Variants in ABCC4 observed in about 807,000 individuals in gnomAD.
ABCC4 encodes the protein ATP binding cassette subfamily C member 4 (PEL blood group).
ABCC4 carries 102 observed loss-of-function variants against 168.5 expected under a neutral mutation model. The observed-to-expected ratio is 0.61, with a 90% CI of 0.52 to 0.71. ABCC4 has a LOEUF of 0.71. Ranked by LOEUF, ABCC4 falls within the 30% of genes least tolerant of loss-of-function variation. ABCC4 has a pLI of 0.00. For missense variants in ABCC4, 1,402 were observed against 1,605.8 expected (o/e 0.87, Z 2.17); for synonymous variants, 617 against 590.7 (o/e 1.04, Z -0.65).
chr13:95,216,811 T>A (rs1209275895), intron 4 of ABCC4, among the ~76,000 whole-genome samples: 2 of 152,068 alleles, frequency 1.3e-5, no homozygotes, highest in African/African-American at 4.8e-5. Context: ...CCGGGGAAAA[T>A]GTAAGTAATT....
At chr13:95,061,365 T>C (rs1029130921) in intron 26 of ABCC4, among the ~76,000 whole-genome samples, 1 of 151,994 alleles carries the variant, frequency 6.6e-6, no homozygotes, top group Non-Finnish European at 1.5e-5. Flanking sequence ...ATCCTCCAAA[T>C]TACTTAAGCG....
chr13:95,235,592 C>T (rs778585641), intron 3 of ABCC4, among the ~76,000 whole-genome samples: 1 of 152,174 alleles, frequency 6.6e-6, no homozygotes, highest in Non-Finnish European at 1.5e-5. Flanking sequence ...AGTTAAGAGC[C>T]TTTGTGAATG....
intron 8 of ABCC4, among the ~76,000 whole-genome samples, chr13:95,196,870 CG>C (rs2038472190): frequency 6.6e-6 from 1 of 152,186 alleles, no homozygotes; most frequent in East Asian, 1.9e-4. Flanking sequence ...ACAACCAAAC[CG>C]TTCCCAAACA....
At chr13:95,111,295 A>C (rs1301612063) in intron 20 of ABCC4, among the ~76,000 whole-genome samples, 3 of 152,228 alleles carry the variant, frequency 2.0e-5, no homozygotes, top group Non-Finnish European at 2.9e-5. Context: ...AGACAAGAAA[A>C]ACATGTTTGA....
intron 20 of ABCC4, among the ~76,000 whole-genome samples, chr13:95,105,708 T>C (rs1398735853): frequency 1.3e-5 from 2 of 152,050 alleles, no homozygotes; most frequent in African/African-American, 4.8e-5. Flanking sequence ...GGACACTGAA[T>C]TGCAATGGGG....
intron 29 of ABCC4, among the ~76,000 whole-genome samples, chr13:95,038,370 T>C (rs1473257753): frequency 2.1e-5 from 1 of 46,984 alleles, no homozygotes; most frequent in Non-Finnish European, 3.8e-5. Context: ...AGGAAGCCCA[T>C]ACTCAAAAAA....
chr13:95,147,306 G>C (rs747030035), intron 19 of ABCC4, among the ~76,000 whole-genome samples: 3 of 152,150 alleles, frequency 2.0e-5, no homozygotes, highest in Non-Finnish European at 4.4e-5. Flanking sequence ...GCAGTAACAG[G>C]AGTTATCTAT....
chr13:95,178,566 CAGGGGA>C (rs1482097624), intron 11 of ABCC4, among the ~76,000 whole-genome samples: 2 of 152,146 alleles, frequency 1.3e-5, no homozygotes, highest in African/African-American at 4.8e-5. Flanking sequence ...AGAGACCTGT[CAGGGGA>C]TGGACTGGCT....
intron 19 of ABCC4, among the ~76,000 whole-genome samples, chr13:95,153,087 A>G (rs1432900613): frequency 6.6e-6 from 1 of 152,206 alleles, no homozygotes; most frequent in African/African-American, 2.4e-5. Context: ...TCATTAGGTT[A>G]TTCCAGAAAC....
chr13:95,101,967 A>C (rs2034825104), intron 20 of ABCC4, among the ~76,000 whole-genome samples: 1 of 152,188 alleles, frequency 6.6e-6, no homozygotes, highest in African/African-American at 2.4e-5. Context: ...AAATGACTTC[A>C]TTTTATCCTC....
chr13:95,299,903 G>T (rs1156794436), intron 1 of ABCC4, among the ~76,000 whole-genome samples: 3 of 152,130 alleles, frequency 2.0e-5, no homozygotes, highest in Non-Finnish European at 4.4e-5. Flanking sequence ...GTACAGTGGG[G>T]CGATCTCAGC....
chr13:95,053,117 T>C lies in ABCC4; in HGVS notation c.3434A>G (p.Glu1145Gly). ...LDPFNEHTDEELWNALQEVQL... is the reference protein window; with the variant it reads ...LDPFNEHTDEGLWNALQEVQL... ...TACCTCTTGTAAGGCATTCCACAGT[T>C]CCTCATCCGTGTGCTCATTAAAGGG... Residue 1145 changes from glutamate to glycine, a missense_variant, in exon 27 of 31, where the codon GAA becomes GGA. By Grantham distance (98) the Glu-to-Gly change is moderately conservative (BLOSUM62 -2). This residue lies in a region of ABCC4 where 1,007 missense variants were observed against 1,127.3 expected (regional missense o/e 0.89). Coordinates refer to ENST00000645237, the MANE Select transcript of ABCC4 (RefSeq NM_005845.5). The C allele has an allele frequency of 1.2e-6, 2 of 1,614,088 alleles. No homozygotes were observed. The highest frequency in any genetic ancestry group is 1.7e-6 in the Non-Finnish European group (2 of 1,179,958).
rs1221130608 is a variant in ABCC4, at chr13:95,110,276, T to C, written c.2535+5646A>G. On this transcript the variant is annotated intron_variant, in intron 20 of 30. Coordinates refer to ENST00000645237, the MANE Select transcript of ABCC4 (RefSeq NM_005845.5). ...GTGAGCCAAGATCGCCCCACTGCAC[T>C]CCAGCCTGGGTGATAGAGCAAGACT... Among the ~76,000 whole-genome samples, 24 of 135,076 alleles carry C rather than the reference T, an allele frequency of 1.8e-4. 1 individual carries two copies. In the Admixed American group the frequency reaches 2.0e-3, roughly 11 times the overall value. The allele number at this position is 135,076 out of a possible 152,430, so 88.6% of individuals were successfully genotyped here. A position where few individuals can be genotyped will look rare whatever the true frequency, so the allele number is the denominator to read the frequency against.
chr13:95,098,744 AT>A (rs1394860462), intron 20 of ABCC4, among the ~76,000 whole-genome samples: 1 of 152,228 alleles, frequency 6.6e-6, no homozygotes, highest in Non-Finnish European at 1.5e-5. Flanking sequence ...CTGAACCAGT[AT>A]TTCAGAAAAT....
intron 19 of ABCC4, among the ~76,000 whole-genome samples, chr13:95,131,267 G>T (rs1188313116): frequency 6.6e-6 from 1 of 152,114 alleles, no homozygotes; most frequent in Non-Finnish European, 1.5e-5. Flanking sequence ...GCCAAGGAAA[G>T]GCGACAAGAG....
intron 1 of ABCC4, among the ~76,000 whole-genome samples, chr13:95,288,399 T>C (rs998379335): frequency 6.6e-6 from 1 of 152,202 alleles, no homozygotes; most frequent in Non-Finnish European, 1.5e-5. Context: ...ATTAAGACAT[T>C]GAAGATACTG....
In ABCC4 at chr13:95,209,590, A is replaced by G. The variant is rs371367639; in HGVS notation, c.629T>C (p.Val210Ala). 9.8e-5 allele frequency: 158 copies of G among 1,610,848 alleles called. No homozygotes were observed. Among genetic ancestry groups the G allele is most frequent in the Non-Finnish European group, 1.2e-4 (142 of 1,178,562 alleles). ...TCCTGCCCACAGGAAGTGTAAGAAC[A>G]CTGTCACCTTTAAAGAAAAAGACAG... ...NDVNKFDQVT[V>A]FLHFLWAGPL... The change falls in exon 6 of 31, where the codon GTG becomes GCG. Residue 210 changes from valine (V) to alanine (A), a missense_variant. This residue lies in a region of ABCC4 where 317 missense variants were observed against 345.5 expected (regional missense o/e 0.92). Coordinates refer to ENST00000645237, the MANE Select transcript of ABCC4 (RefSeq NM_005845.5).
At chr13:95,048,077 C>T (rs2032671338) in intron 27 of ABCC4, among the ~76,000 whole-genome samples, 1 of 152,014 alleles carries the variant, frequency 6.6e-6, no homozygotes, top group Admixed American at 6.6e-5. Context: ...CAAAGTAAAT[C>T]CACAAAGAAA....
chr13:95,283,690 G>T (rs1298095818), intron 1 of ABCC4, among the ~76,000 whole-genome samples: 4 of 152,048 alleles, frequency 2.6e-5, no homozygotes, highest in African/African-American at 9.7e-5. Flanking sequence ...GGCCGAGGTG[G>T]GTGGATCACC....
Sources: allele counts gnomAD v4.1 joint callset (sites outside exome capture counted in the v4.1 genomes callset), GRCh38; gene constraint gnomAD v4.1.1; regional missense constraint gnomAD v4.1.1; transcripts MANE v1.5; gene names NCBI Gene and HGNC (gene_info 2026-07-23, HGNC 2026-07-21).